The following CLNK variants were observed in gnomAD, a reference collection of about 807,000 sequenced individuals.
The protein encoded by CLNK is cytokine-dependent hematopoietic cell linker.
CLNK carries 74 observed loss-of-function variants against 68.6 expected under a neutral mutation model. That is an observed-to-expected ratio of 1.08 (90% confidence interval 0.89 to 1.31). CLNK has a LOEUF of 1.31. CLNK is among the 50% of genes most tolerant of loss of function. The probability of loss-of-function intolerance (pLI) is 0.00; values close to 1 mark genes in which losing one functional copy is unlikely to be tolerated. For missense variants in CLNK, 553 were observed against 515.3 expected (o/e 1.07, Z -0.71); for synonymous variants, 198 against 172.2 (o/e 1.15, Z -1.17).
chr4:10,571,688 T>A (rs1720360187), intron 5 of CLNK, 53 bp downstream of exon 5: 2 of 1,416,604 alleles, frequency 1.4e-6, no homozygotes, highest in Middle Eastern at 3.5e-4. Flanking sequence ...CAAATTCACC[T>A]GCTTTGCAAT....
chr4:10,519,788 G>GT (rs1473560444), intron 15 of CLNK, among the ~76,000 whole-genome samples: 1 of 152,118 alleles, frequency 6.6e-6, no homozygotes, highest in Non-Finnish European at 1.5e-5. Context: ...ACATTAAAAT[G>GT]TATCAGTTGC....
intron 2 of CLNK, among the ~76,000 whole-genome samples, chr4:10,605,818 C>T (rs1412060128): frequency 6.6e-5 from 4 of 60,840 alleles, no homozygotes; most frequent in Non-Finnish European, 1.2e-4. Flanking sequence ...CAGAGCAAGA[C>T]TCTGTCCAAA....
intron 12 of CLNK, among the ~76,000 whole-genome samples, chr4:10,528,976 G>T (rs1307026519): frequency 6.6e-6 from 1 of 151,998 alleles, no homozygotes; most frequent in Non-Finnish European, 1.5e-5. Flanking sequence ...ATGCTTATTG[G>T]GCTTGTATCT....
chr4:10,601,734 A>G (rs1420856720), intron 2 of CLNK, among the ~76,000 whole-genome samples: 2 of 152,208 alleles, frequency 1.3e-5, no homozygotes, highest in African/African-American at 4.8e-5. Flanking sequence ...TCATTTTACA[A>G]GGCCTCAAAC....
chr4:10,620,264 G>A (rs1053231772), intron 2 of CLNK, among the ~76,000 whole-genome samples: 2 of 152,110 alleles, frequency 1.3e-5, no homozygotes, highest in Non-Finnish European at 2.9e-5. Context: ...AACTAACTTC[G>A]TTCCCGAGAT....
intron 2 of CLNK, among the ~76,000 whole-genome samples, chr4:10,612,815 G>A (rs1560241981): frequency 6.6e-6 from 1 of 152,306 alleles, no homozygotes; most frequent in East Asian, 1.9e-4. Flanking sequence ...TATCTCATCT[G>A]TGTTCCCCAG....
At chr4:10,664,010 T>A (rs1355653269) in intron 2 of CLNK, among the ~76,000 whole-genome samples, 1 of 152,170 alleles carries the variant, frequency 6.6e-6, no homozygotes, top group East Asian at 1.9e-4. Context: ...CTCCCAGAAC[T>A]GTAAGAAATA....
rs547779586 is a variant in CLNK, at chr4:10,520,873, C to A, written c.732-42G>T. On this transcript the variant is annotated intron_variant, in intron 14 of 18. Transcript: ENST00000226951. ...TAAAATTCAAAGAATGTTAGTATTT[C>A]CCCTTGGTGGTAAAATTCCACTCAG... 7 of 1,476,440 alleles carry A rather than the reference C, an allele frequency of 4.7e-6. 1 individual carries two copies. In the South Asian group the frequency reaches 4.8e-5, roughly 10 times the overall value. The allele number at this position is 1,476,440 out of a possible 1,614,324, so 91.5% of individuals were successfully genotyped here. A position where few individuals can be genotyped will look rare whatever the true frequency, so the allele number is the denominator to read the frequency against.
intron 2 of CLNK, among the ~76,000 whole-genome samples, chr4:10,658,125 C>T (rs925825128): frequency 1.6e-4 from 25 of 152,150 alleles, no homozygotes; most frequent in African/African-American, 5.3e-4. Flanking sequence ...CCAGGATTTG[C>T]TCCAAGTAGA....
chr4:10,709,679 G>A, the CLNK span, among the ~76,000 whole-genome samples: 1 of 152,078 alleles, frequency 6.6e-6, no homozygotes, highest in Non-Finnish European at 1.5e-5. Flanking sequence ...ACAGATTGTG[G>A]CGGAAAGGAT....
chr4:10,657,333 T>G (rs929383900), intron 2 of CLNK, among the ~76,000 whole-genome samples: 1 of 152,192 alleles, frequency 6.6e-6, no homozygotes, highest in Non-Finnish European at 1.5e-5. Flanking sequence ...TGAGGAGTTG[T>G]GAACATGAAA....
intron 2 of CLNK, among the ~76,000 whole-genome samples, chr4:10,625,031 A>G (rs1216445021): frequency 6.6e-6 from 1 of 152,200 alleles, no homozygotes; most frequent in Non-Finnish European, 1.5e-5. Flanking sequence ...TGGGCAGTAG[A>G]ATAATAACCA....
chr4:10,689,347 C>G (rs751009869), upstream of CLNK, among the ~76,000 whole-genome samples: 2 of 152,074 alleles, frequency 1.3e-5, no homozygotes, highest in African/African-American at 4.8e-5. Context: ...GTTGACTAGA[C>G]TGGTCTCAAA....
intron 3 of CLNK, among the ~76,000 whole-genome samples, chr4:10,592,249 A>G (rs1721205698): frequency 6.6e-6 from 1 of 152,236 alleles, no homozygotes; most frequent in African/African-American, 2.4e-5. Flanking sequence ...ATGTCTATAT[A>G]AGCTATAGTC....
intron 10 of CLNK, among the ~76,000 whole-genome samples, chr4:10,541,174 A>C (rs1221215613): frequency 6.9e-6 from 1 of 144,046 alleles, no homozygotes; most frequent in Non-Finnish European, 1.5e-5. Flanking sequence ...AGATTGCACC[A>C]CCTCACTCCA....
chr4:10,521,755 C>T (rs1422625958), intron 14 of CLNK, among the ~76,000 whole-genome samples: 1 of 152,172 alleles, frequency 6.6e-6, no homozygotes, highest in African/African-American at 2.4e-5. Flanking sequence ...CAAGATTTGA[C>T]TCCGTTAAAA....
At chr4:10,649,475 T>C (rs1476833434) in intron 2 of CLNK, among the ~76,000 whole-genome samples, 1 of 152,044 alleles carries the variant, frequency 6.6e-6, no homozygotes, top group African/African-American at 2.4e-5. Flanking sequence ...TGGCAGAACA[T>C]GGGAGACTTG....
the CLNK span, among the ~76,000 whole-genome samples, chr4:10,713,347 A>G: frequency 8.9e-4 from 136 of 152,346 alleles, no homozygotes; most frequent in Non-Finnish European, 1.5e-3. Flanking sequence ...TGTGAGTGAG[A>G]CATGGACGAA....
chr4:10,586,385 G>A (rs1720970140), intron 3 of CLNK, among the ~76,000 whole-genome samples: 1 of 138,746 alleles, frequency 7.2e-6, no homozygotes, highest in Admixed American at 7.8e-5. Context: ...AGGCTGGAGT[G>A]CAGTGGTACG....
Sources: allele counts gnomAD v4.1 joint callset (sites outside exome capture counted in the v4.1 genomes callset), GRCh38; gene constraint gnomAD v4.1.1; transcripts MANE v1.5; gene names NCBI Gene and HGNC (gene_info 2026-07-23, HGNC 2026-07-21).